MYT1L: variants seen among roughly 807,000 people sequenced by gnomAD.
MYT1L encodes the protein myelin transcription factor 1-like protein.
Under a neutral mutation model 126.7 loss-of-function variants are expected in MYT1L, and 12 were observed. The observed-to-expected ratio is 0.09, with a 90% CI of 0.06 to 0.15. The LOEUF (loss-of-function observed/expected upper bound fraction) is 0.15, where lower values mean the gene tolerates loss of function less well. MYT1L is among the 10% of genes least tolerant of loss of function. The pLI, the probability that MYT1L is intolerant of heterozygous loss-of-function variation, is 1.00. For synonymous variants in MYT1L, 541 were observed against 604.2 expected (o/e 0.90, Z 1.53); for missense variants, 979 against 1,585.2 (o/e 0.62, Z 6.49).
rs2056922965 is a variant in MYT1L at position 1,943,784 on chromosome 2, G to A, written c.153-450C>T. ...ATATATTTATGTAAAATATAAAAAT[G>A]TCTATGTCGTGAAAGAGCTTTGGAT... On this transcript the variant is annotated intron_variant, in intron 8 of 24. Coordinates refer to ENST00000647738, the MANE Select transcript of MYT1L (RefSeq NM_001303052.2). The surrounding 1 kb of genome is among the most constrained non-coding windows in gnomAD (Gnocchi z 4.4). 6.6e-6 allele frequency among the ~76,000 whole-genome samples: 1 copy of A among 152,008 alleles called. No individual in the cohort carries two copies. Among genetic ancestry groups the A allele is most frequent in the South Asian group, 2.1e-4 (1 of 4,814 alleles).
chr2:2,079,175 T>C (rs1465987031), intron 3 of MYT1L, among the ~76,000 whole-genome samples: 1 of 152,164 alleles, frequency 6.6e-6, no homozygotes, highest in Non-Finnish European at 1.5e-5. Context: ...TTTGCTATAG[T>C]ATGTCAAATG....
chr2:2,238,824 CT>C (rs1459585069), intron 2 of MYT1L, among the ~76,000 whole-genome samples: 1 of 152,214 alleles, frequency 6.6e-6, no homozygotes, highest in East Asian at 1.9e-4. Flanking sequence ...AAAAGCTGCC[CT>C]TTTCCTTAGC....
In MYT1L at chr2:1,910,058, C is replaced by T. The variant is rs2051702498; in HGVS notation, c.1817+182G>A. On this transcript the variant is annotated intron_variant, in intron 13 of 24. Coordinates refer to ENST00000647738, the MANE Select transcript of MYT1L (RefSeq NM_001303052.2). The surrounding 1 kb of genome is among the most constrained non-coding windows in gnomAD (Gnocchi z 4.8). ...GCAGACACCAGGGGAAGAATGACACCCTTGCCCTCACACAGCCTGGCCTGG... is the reference window on the plus strand; with the variant it reads ...GCAGACACCAGGGGAAGAATGACACTCTTGCCCTCACACAGCCTGGCCTGG... 6.6e-6 allele frequency among the ~76,000 whole-genome samples: 1 copy of T among 152,100 alleles called. No individual in the cohort carries two copies. The highest frequency in any genetic ancestry group is 1.5e-5 in the Non-Finnish European group (1 of 68,010).
chr2:2,296,784 C>T (rs2095701311), intron 1 of MYT1L, among the ~76,000 whole-genome samples: 3 of 152,124 alleles, frequency 2.0e-5, no homozygotes. Flanking sequence ...CCTGGAGACA[C>T]CATACAGTGC....
At chr2:1,866,760 G>A (rs1400225066) in intron 18 of MYT1L, among the ~76,000 whole-genome samples, 3 of 81,218 alleles carry the variant, frequency 3.7e-5, no homozygotes, top group African/African-American at 4.8e-5. Flanking sequence ...AGAGGGAGGG[G>A]GAGAGAGGCA....
intron 4 of MYT1L, among the ~76,000 whole-genome samples, chr2:2,012,753 C>T (rs1480801590): frequency 5.3e-5 from 8 of 152,172 alleles, no homozygotes; most frequent in South Asian, 2.1e-4. Flanking sequence ...CCGTCCACAC[C>T]GCACACCCTA....
intron 3 of MYT1L, among the ~76,000 whole-genome samples, chr2:2,066,835 G>A (rs981767723): frequency 1.1e-4 from 16 of 152,170 alleles, no homozygotes; most frequent in African/African-American, 3.6e-4. Context: ...CATTGCAGAG[G>A]AGCCATTCAG....
intron 3 of MYT1L, among the ~76,000 whole-genome samples, chr2:2,082,064 A>G (rs1205969512): frequency 1.3e-5 from 2 of 152,128 alleles, no homozygotes; most frequent in Non-Finnish European, 2.9e-5. Context: ...TTAAAGCATA[A>G]TTGGAATGAG....
chr2:2,200,312 G>A (rs1202498596), intron 2 of MYT1L, among the ~76,000 whole-genome samples: 1 of 152,164 alleles, frequency 6.6e-6, no homozygotes, highest in South Asian at 2.1e-4. Flanking sequence ...CAATTACTAG[G>A]TTGGAGGGCA....
intron 4 of MYT1L, among the ~76,000 whole-genome samples, chr2:2,008,818 C>T (rs566668469): frequency 6.3e-4 from 96 of 152,140 alleles, no homozygotes; most frequent in African/African-American, 2.3e-3. Context: ...TCAGGTTTTA[C>T]ATTTAGGGCT....
chr2:2,031,642 C>T (rs1184179596), intron 4 of MYT1L, among the ~76,000 whole-genome samples: 7 of 141,434 alleles, frequency 4.9e-5, no homozygotes, highest in Non-Finnish European at 9.1e-5. Context: ...GGGCCTTACA[C>T]ACACCCCTCA....
chr2:2,185,727 G>C (rs1241768092), intron 2 of MYT1L, among the ~76,000 whole-genome samples: 1 of 140,906 alleles, frequency 7.1e-6, no homozygotes, highest in Non-Finnish European at 1.5e-5. Flanking sequence ...CGTTCCTTAC[G>C]TGAGGCGGAC....
chr2:2,233,226 G>A (rs1055675347), intron 2 of MYT1L, among the ~76,000 whole-genome samples: 8 of 152,330 alleles, frequency 5.3e-5, no homozygotes, highest in African/African-American at 1.9e-4. Flanking sequence ...GATGATCAGC[G>A]AGTGACAGGG....
chr2:1,819,669 C>T (rs1216722267), intron 21 of MYT1L, among the ~76,000 whole-genome samples: 2 of 152,190 alleles, frequency 1.3e-5, no homozygotes, highest in Non-Finnish European at 1.5e-5. Context: ...TGCACATGGT[C>T]CGATGATGTG....
intron 3 of MYT1L, among the ~76,000 whole-genome samples, chr2:2,122,119 A>C (rs964846483): frequency 2.0e-5 from 3 of 152,142 alleles, no homozygotes; most frequent in African/African-American, 7.2e-5. Flanking sequence ...ATCCCACACT[A>C]TCCAATGTGA....
chr2:2,223,668 G>A (rs142038145), intron 2 of MYT1L, among the ~76,000 whole-genome samples: 41 of 152,174 alleles, frequency 2.7e-4, no homozygotes, highest in African/African-American at 9.9e-4. Flanking sequence ...GCCAATTTTT[G>A]TCTTTACAAG....
rs1050533808 is a variant in MYT1L, at chr2:1,852,090, A to G, written c.2712-387T>C. On this transcript the variant is annotated intron_variant, in intron 18 of 24. Coordinates refer to ENST00000647738, the MANE Select transcript of MYT1L (RefSeq NM_001303052.2). This position sits in a 1 kb window ranked among gnomAD's most constrained non-coding sequence, Gnocchi z 4.0. ...CCCACGTGGGAAGCAAGGCTCACAC[A>G]TGAACAGACATGCCCTGGGGTCTGA... Among the ~76,000 whole-genome samples, 1 of 152,210 alleles carries G rather than the reference A, an allele frequency of 6.6e-6. No individual in the cohort carries two copies. Among genetic ancestry groups the G allele is most frequent in the African/African-American group, 2.4e-5 (1 of 41,454 alleles).
At chr2:2,066,374 C>A (rs1020529970) in intron 3 of MYT1L, among the ~76,000 whole-genome samples, 1 of 152,210 alleles carries the variant, frequency 6.6e-6, no homozygotes, top group African/African-American at 2.4e-5. Flanking sequence ...TCTTCAGGAA[C>A]ACAGACCCTC....
chr2:2,240,022 G>A (rs1464228282), intron 2 of MYT1L, among the ~76,000 whole-genome samples: 1 of 152,100 alleles, frequency 6.6e-6, no homozygotes, highest in Non-Finnish European at 1.5e-5. Flanking sequence ...GGTAGGCCAG[G>A]CACAGCGACT....
Sources: gnomAD v4.1 joint callset for allele counts (sites outside exome capture counted in the v4.1 genomes callset) on GRCh38, gnomAD v4.1.1 for gene constraint, Gnocchi (gnomAD v3.1) non-coding constraint, MANE v1.5 for transcripts, NCBI Gene and HGNC (gene_info 2026-07-23, HGNC 2026-07-21) for gene names.